SUMF1: variants seen among roughly 807,000 people sequenced by gnomAD.
SUMF1 encodes the protein formylglycine-generating enzyme.
In SUMF1, 48 loss-of-function variants were observed where a neutral mutation model predicts 47.6. That is an observed-to-expected ratio of 1.01 (90% CI 0.80 to 1.28). The LOEUF is 1.28. SUMF1 is among the 50% of genes most tolerant of loss of function. The pLI is 0.00. For missense variants in SUMF1, 571 were observed against 485.4 expected, an observed-to-expected ratio of 1.18 and a Z score of -1.66; for synonymous variants, 230 against 192.1, an observed-to-expected ratio of 1.20 and a Z score of -1.63.
chr3:4,451,423 T>G (rs793395), intron 2 of SUMF1, among the ~76,000 whole-genome samples: 30,678 of 152,176 alleles, frequency 0.2, 4,061 homozygotes, highest in Non-Finnish European at 0.3. Context: ...CCAGATATAT[T>G]AGGTTGCTGC....
intron 8 of SUMF1, among the ~76,000 whole-genome samples, chr3:4,171,349 C>T (rs1403124): frequency 1.3e-5 from 2 of 151,714 alleles, no homozygotes; most frequent in Non-Finnish European, 2.9e-5. Context: ...CCAGAACAGG[C>T]GATAAATCAA....
At chr3:4,062,523 T>C (rs1695294242) in intron 9 of SUMF1, among the ~76,000 whole-genome samples, 2 of 152,104 alleles carry the variant, frequency 1.3e-5, no homozygotes, top group Admixed American at 1.3e-4. Context: ...AAGAAGAATT[T>C]ACCAACAATC....
intron 8 of SUMF1, among the ~76,000 whole-genome samples, chr3:4,338,558 A>G (rs888823050): frequency 6.6e-6 from 1 of 152,214 alleles, no homozygotes; most frequent in African/African-American, 2.4e-5. Context: ...CCCTGAGCTC[A>G]TAATTCATTC....
chr3:4,302,956 T>G (rs2125066245), intron 8 of SUMF1, among the ~76,000 whole-genome samples: 1 of 152,240 alleles, frequency 6.6e-6, no homozygotes, highest in Non-Finnish European at 1.5e-5. Context: ...CTATCACATG[T>G]CAGTCAACTT....
intron 8 of SUMF1, among the ~76,000 whole-genome samples, chr3:4,198,869 GAA>G: frequency 6.8e-6 from 1 of 147,510 alleles, no homozygotes; most frequent in East Asian, 2.0e-4. Flanking sequence ...TGTCCAAAAA[GAA>G]AAAAAAAGAG....
intron 8 of SUMF1, among the ~76,000 whole-genome samples, chr3:4,242,377 G>T (rs1489541111): frequency 6.6e-6 from 1 of 152,138 alleles, no homozygotes; most frequent in Non-Finnish European, 1.5e-5. Flanking sequence ...AATGCTTCCA[G>T]CTTTTGCCCA....
chr3:4,277,535 G>A (rs1461568780), intron 8 of SUMF1, among the ~76,000 whole-genome samples: 2 of 152,014 alleles, frequency 1.3e-5, no homozygotes, highest in African/African-American at 4.8e-5. Flanking sequence ...AGAAGCAGGA[G>A]ACAGGAAAGA....
chr3:4,456,886 G>GTATATATATACGTGTA (rs779624144), intron 1 of SUMF1, among the ~76,000 whole-genome samples: 2 of 41,802 alleles, frequency 4.8e-5, no homozygotes, highest in Non-Finnish European at 4.9e-5. Context: ...ATATGTGTGT[G>GTATATATATACGTGTA]TATATATATG....
chr3:4,063,460 A>G (rs1695311175), intron 9 of SUMF1, among the ~76,000 whole-genome samples: 1 of 152,094 alleles, frequency 6.6e-6, no homozygotes, highest in Admixed American at 6.6e-5. Flanking sequence ...CAAAGTGAAC[A>G]TGGGATGTAT....
Position 4,362,214 on chromosome 3 carries a change from T to C in SUMF1, c.1055A>G (p.Asn352Ser). Residue 352 changes from asparagine to serine, a missense_variant, in exon 9 of 9, where the codon AAC becomes AGC. Physicochemically the swap from Asn to Ser is conservative, Grantham distance 46 (BLOSUM62 1). Coordinates refer to ENST00000272902, the MANE Select transcript of SUMF1 (RefSeq NM_182760.4). ...YRYRCAARSQ[N>S]TPDSSASNLG... ...ATTCGAAGCAGAGCTATCAGGTGTG[T>C]TCTGGCTCCGAGCAGCACAGCGATA... The C allele has an allele frequency of 1.2e-6, 2 of 1,614,206 alleles. No individual in the cohort carries two copies. The highest frequency in any genetic ancestry group is 2.2e-5 in the East Asian group (1 of 44,888).
At chr3:4,316,548 G>C in intron 8 of SUMF1, 1 of 1,560,666 alleles carries the variant, frequency 6.4e-7, no homozygotes, top group Non-Finnish European at 8.7e-7. Context: ...AATTGGAAAG[G>C]TGAAAAAGCT....
chr3:4,090,694 C>A lies in SUMF1; in HGVS notation c.1015-21949G>T, dbSNP rs1231351174. On this transcript the variant is annotated intron_variant and NMD_transcript_variant, in intron 8 of 12. Coordinates refer to the SUMF1 transcript ENST00000448413. ...GCATGGTGGTTGGAGGGGCTCCTGACAATTTTCACTTTGCATTTATTCCTT... is the reference window on the plus strand; with the variant it reads ...GCATGGTGGTTGGAGGGGCTCCTGAAAATTTTCACTTTGCATTTATTCCTT... 3.3e-5 allele frequency among the ~76,000 whole-genome samples: 5 copies of A among 152,228 alleles called. No individual in the cohort carries two copies. In the East Asian group the frequency reaches 9.7e-4, roughly 29 times the overall value.
At chr3:4,440,432 G>T (rs546770936) in intron 3 of SUMF1, among the ~76,000 whole-genome samples, 1 of 152,050 alleles carries the variant, frequency 6.6e-6, no homozygotes, top group African/African-American at 2.4e-5. Context: ...TTAGAATTCC[G>T]CTGGACCTCA....
intron 8 of SUMF1, among the ~76,000 whole-genome samples, chr3:4,266,256 A>G (rs1697193012): frequency 6.6e-6 from 1 of 152,138 alleles, no homozygotes; most frequent in South Asian, 2.1e-4. Context: ...GTTTTTTCCA[A>G]TTCTGTGAAG....
intron 3 of SUMF1, among the ~76,000 whole-genome samples, chr3:4,427,692 C>A (rs1031058979): frequency 2.6e-5 from 4 of 152,122 alleles, no homozygotes; most frequent in African/African-American, 9.7e-5. Context: ...CTTTTTGGTT[C>A]AGTTCTTAGT....
At chr3:4,125,883 G>T (rs1026031369) in intron 8 of SUMF1, among the ~76,000 whole-genome samples, 1 of 151,872 alleles carries the variant, frequency 6.6e-6, no homozygotes, top group Admixed American at 6.6e-5. Flanking sequence ...TGCTTTGTTG[G>T]CCAGGCTGGT....
chr3:4,081,831 A>G (rs76062070), intron 8 of SUMF1, among the ~76,000 whole-genome samples: 6,978 of 152,220 alleles, frequency 0.046, 487 homozygotes, highest in East Asian at 0.2. Context: ...AACATCTACA[A>G]TCAGGAACTC....
At chr3:4,234,987 A>G (rs1166098566) in intron 8 of SUMF1, among the ~76,000 whole-genome samples, 1 of 152,172 alleles carries the variant, frequency 6.6e-6, no homozygotes, top group East Asian at 1.9e-4. Context: ...GGAACGTAAC[A>G]TTGACTGAAT....
At chr3:4,052,757 TCCTAGA>T (rs942455022) in intron 9 of SUMF1, among the ~76,000 whole-genome samples, 2 of 152,186 alleles carry the variant, frequency 1.3e-5, no homozygotes, top group African/African-American at 4.8e-5. Context: ...GTGGGTTTGG[TCCTAGA>T]CCACAATAAA....
Sources: gnomAD v4.1 joint callset for allele counts (sites outside exome capture counted in the v4.1 genomes callset) on GRCh38, gnomAD v4.1.1 for gene constraint, MANE v1.5 for transcripts, NCBI Gene and HGNC (gene_info 2026-07-23, HGNC 2026-07-21) for gene names.